Variants in LASP1 observed in about 807,000 individuals in gnomAD.
LASP1 encodes LIM and SH3 domain protein 1.
In LASP1, 10 loss-of-function variants were observed where a neutral mutation model predicts 38.6. That is an observed-to-expected ratio of 0.26 (90% CI 0.16 to 0.44). The LOEUF (loss-of-function observed/expected upper bound fraction) is 0.44. Ranked by LOEUF, LASP1 falls within the 20% of genes least tolerant of loss-of-function variation. The pLI is 1.00. For missense variants in LASP1, 243 were observed against 375.7 expected, an observed-to-expected ratio of 0.65 and a Z score of 2.92; for synonymous variants, 132 against 140.8, an observed-to-expected ratio of 0.94 and a Z score of 0.44.
At chr17:38,905,566 T>G (rs1914756397) in intron 4 of LASP1, among the ~76,000 whole-genome samples, 1 of 150,156 alleles carries the variant, frequency 6.7e-6, no homozygotes, top group African/African-American at 2.4e-5. Context: ...CTCCTTCAAC[T>G]TTACGAGATA....
chr17:38,880,522 C>T (rs1428043293), intron 2 of LASP1, among the ~76,000 whole-genome samples: 1 of 152,250 alleles, frequency 6.6e-6, no homozygotes, highest in Non-Finnish European at 1.5e-5. Context: ...TCCATGTTTC[C>T]TCCAGCTTTT....
intron 4 of LASP1, among the ~76,000 whole-genome samples, chr17:38,911,056 G>T (rs943072743): frequency 6.6e-6 from 1 of 152,180 alleles, no homozygotes; most frequent in African/African-American, 2.4e-5. Context: ...AAGCTCAAGG[G>T]TCTCCAGGAT....
intron 1 of LASP1, among the ~76,000 whole-genome samples, chr17:38,876,673 C>T (rs1296115292): frequency 1.3e-5 from 2 of 151,202 alleles, no homozygotes; most frequent in African/African-American, 4.9e-5. Context: ...TAGATCTGTT[C>T]TCTTTCTGTC....
chr17:38,891,389 G>A (rs1028482306), intron 3 of LASP1, among the ~76,000 whole-genome samples: 1 of 152,168 alleles, frequency 6.6e-6, no homozygotes, highest in African/African-American at 2.4e-5. Flanking sequence ...TGATCTTGAT[G>A]TGACTGCCCG....
intron 2 of LASP1, among the ~76,000 whole-genome samples, chr17:38,885,573 G>A (rs1435557486): frequency 1.3e-5 from 2 of 152,152 alleles, no homozygotes; most frequent in Non-Finnish European, 2.9e-5. Flanking sequence ...ATTAACAAGG[G>A]GCCAGTACAG....
chr17:38,870,078 C>A lies in LASP1; in HGVS notation c.-112C>A. The A allele has an allele frequency of 8.7e-7, 1 of 1,155,052 alleles. No homozygotes were observed. The highest frequency in any genetic ancestry group is 1.3e-6 in the Non-Finnish European group (1 of 791,292). The allele number at this position is 1,155,052 out of a possible 1,614,324, so 71.6% of individuals were successfully genotyped here. ...CGGAGGCCAGTTCCCCAGCTCCAGC[C>A]GCCGTCGCTGCTGCCTGTGTAGTTG... is the stretch of plus-strand genomic sequence containing the variant. On this transcript the variant is annotated 5_prime_UTR_variant, in exon 1 of 7. Transcript: ENST00000318008.
intron 4 of LASP1, among the ~76,000 whole-genome samples, chr17:38,909,052 G>C (rs183786120): frequency 1.3e-5 from 2 of 152,328 alleles, no homozygotes; most frequent in East Asian, 3.9e-4. Flanking sequence ...GCATTCTAGG[G>C]AACAGGAAGT....
At chr17:38,870,979 G>A (rs983153198) in intron 1 of LASP1, among the ~76,000 whole-genome samples, 9 of 152,204 alleles carry the variant, frequency 5.9e-5, no homozygotes, top group Non-Finnish European at 1.2e-4. Flanking sequence ...GTGGGGTTGG[G>A]TGGCAGAGTA....
At chr17:38,893,061 C>A (rs573812462) in intron 3 of LASP1, among the ~76,000 whole-genome samples, 1 of 152,294 alleles carries the variant, frequency 6.6e-6, no homozygotes, top group African/African-American at 2.4e-5. Context: ...TTGTTTAATC[C>A]TTACAGCCAC....
intron 4 of LASP1, among the ~76,000 whole-genome samples, chr17:38,905,957 G>A (rs753891475): frequency 6.6e-6 from 1 of 152,154 alleles, no homozygotes; most frequent in Non-Finnish European, 1.5e-5. Flanking sequence ...CTACTCGAGC[G>A]GCTGAGGTGG....
At chr17:38,907,882 C>T (rs946706118) in intron 4 of LASP1, among the ~76,000 whole-genome samples, 10 of 152,166 alleles carry the variant, frequency 6.6e-5, no homozygotes, top group African/African-American at 1.4e-4. Context: ...TTTGCAGGAC[C>T]GCCTGGGAGC....
intron 4 of LASP1, among the ~76,000 whole-genome samples, chr17:38,900,070 A>G (rs1351728361): frequency 6.6e-6 from 1 of 151,522 alleles, no homozygotes; most frequent in Non-Finnish European, 1.5e-5. Flanking sequence ...GCAGGCCCCT[A>G]TACACCCTCA....
chr17:38,918,858 GTC>G lies in LASP1; in HGVS notation c.*84_*85del, dbSNP rs772173589. The G allele has an allele frequency of 1.1e-4, 169 of 1,495,984 alleles. 1 individual carries two copies. Among genetic ancestry groups the G allele is most frequent in the Non-Finnish European group, 1.2e-4 (129 of 1,097,208 alleles). 92.7% of individuals were successfully genotyped at this position (1,495,984 alleles called of 1,614,324 possible). A position where few individuals can be genotyped will look rare whatever the true frequency, so the allele number is the denominator to read the frequency against. ...GGGCGTGACCCGTCCATTCTTCAGT[GTC>G]TCTGTTTTTTAAAACCTGCGACAGC... On this transcript the variant is annotated 3_prime_UTR_variant, in exon 7 of 7. Transcript: ENST00000318008. The surrounding 1 kb of genome is among the most constrained non-coding windows in gnomAD (Gnocchi z 4.4).
intron 4 of LASP1, among the ~76,000 whole-genome samples, chr17:38,899,960 C>CCTCA (rs1914594141): frequency 6.6e-6 from 1 of 151,814 alleles, no homozygotes; most frequent in Non-Finnish European, 1.5e-5. Context: ...GAACACCTGA[C>CCTCA]CTCAGGTGAT....
In LASP1 at chr17:38,919,338, G is replaced by C. The variant is rs1915231749; in HGVS notation, c.*560G>C. 2 of 240,954 alleles carry C rather than the reference G, an allele frequency of 8.3e-6. No homozygotes were observed. The highest frequency in any genetic ancestry group is 1.6e-5 in the Non-Finnish European group (2 of 122,334). 14.9% of individuals were successfully genotyped at this position (240,954 alleles called of 1,614,324 possible). On this transcript the variant is annotated 3_prime_UTR_variant, in exon 7 of 7. Transcript: ENST00000318008. ...CTCTCTCCCTACCTCCCTCCTCAGG[G>C]GCAACAACAGGAGAATGGGGTTCCT... is the stretch of plus-strand genomic sequence containing the variant.
At position 38,908,621 on chromosome 17, in the gene LASP1, G is replaced by A. The variant is rs1431603409; in HGVS notation, c.358-5704G>A. Among the ~76,000 whole-genome samples, 5 of 152,314 alleles carry A rather than the reference G, an allele frequency of 3.3e-5. No homozygotes were observed. In the East Asian group the frequency reaches 5.8e-4, roughly 18 times the overall value. ...TGCTCTGGCCTGAAGGGAGGGGGCC[G>A]GGAAAGGAGGGACTGATCCTGACCC... On this transcript the variant is annotated intron_variant, in intron 4 of 6. Transcript: ENST00000318008.
rs575971183 is a variant in LASP1, at chr17:38,901,255, C to T, written c.357+2736C>T. Among the ~76,000 whole-genome samples, 43 of 152,330 alleles carry T rather than the reference C, an allele frequency of 2.8e-4. 1 individual carries two copies. The highest frequency in any genetic ancestry group is 1.0e-3 in the African/African-American group (42 of 41,576). On this transcript the variant is annotated intron_variant, in intron 4 of 6. Transcript: ENST00000318008. Reference sequence around the variant, plus strand: ...AAGCCACCTCCTCTTCTTCCCTCCCCCAGTTAGAGGTGTTAATATCCTAGT... The same window carrying T: ...AAGCCACCTCCTCTTCTTCCCTCCCTCAGTTAGAGGTGTTAATATCCTAGT...
In LASP1 at chr17:38,921,313, GAAT is replaced by G. The variant is rs1469563265; in HGVS notation, c.*2538_*2540del. On this transcript the variant is annotated 3_prime_UTR_variant, in exon 7 of 7. Transcript: ENST00000318008. ...TATAACTTTTGTGGACCAATACTAA[GAAT>G]AACAAGAAGCCCAGTGGTGAGGAAA... 1 of 231,268 alleles carries G rather than the reference GAAT, an allele frequency of 4.3e-6. No homozygotes were observed. Among genetic ancestry groups the G allele is most frequent in the Non-Finnish European group, 8.6e-6 (1 of 116,630 alleles). The allele number at this position is 231,268 out of a possible 1,614,324, so 14.3% of individuals were successfully genotyped here. A position where few individuals can be genotyped will look rare whatever the true frequency, so the allele number is the denominator to read the frequency against.
chr17:38,887,396 A>G (rs1914172002), intron 2 of LASP1, among the ~76,000 whole-genome samples: 1 of 152,164 alleles, frequency 6.6e-6, no homozygotes, highest in Admixed American at 6.5e-5. Context: ...TCTGGTCTCT[A>G]GGAACAGACT....
Sources: gnomAD v4.1 joint callset for allele counts (sites outside exome capture counted in the v4.1 genomes callset) on GRCh38, gnomAD v4.1.1 for gene constraint, Gnocchi (gnomAD v3.1) non-coding constraint, MANE v1.5 for transcripts, NCBI Gene and HGNC (gene_info 2026-07-23, HGNC 2026-07-21) for gene names.